Variants in SCARA5 observed in about 807,000 individuals in gnomAD.
The protein encoded by SCARA5 is scavenger receptor class A member 5.
In SCARA5, 45 loss-of-function variants were observed where a neutral mutation model predicts 46.3. That is an observed-to-expected ratio of 0.97 (90% CI 0.76 to 1.24). The LOEUF (loss-of-function observed/expected upper bound fraction) is 1.24, where lower values mean the gene tolerates loss of function less well. Ranked by LOEUF, SCARA5 falls within the 50% of genes most tolerant of loss-of-function variation. The probability of loss-of-function intolerance (pLI) is 0.00; values close to 1 mark genes in which losing one functional copy is unlikely to be tolerated. For missense variants in SCARA5, 680 were observed against 689.0 expected (o/e 0.99, Z 0.15); for synonymous variants, 333 against 306.5 (o/e 1.09, Z -0.90).
chr8:27,905,702 TTTC>T (rs201036373), intron 6 of SCARA5, among the ~76,000 whole-genome samples: 21,353 of 51,078 alleles, frequency 0.42, 2,191 homozygotes, highest in Middle Eastern at 0.58. Context: ...TTTCTTTTCT[TTTC>T]TTTTTTTTTT....
At chr8:27,990,012 C>A (rs60406001) in intron 1 of SCARA5, among the ~76,000 whole-genome samples, 1 of 152,268 alleles carries the variant, frequency 6.6e-6, no homozygotes, top group Admixed American at 6.5e-5. Context: ...AGAGGCCACA[C>A]AGAGCCAGAC....
At chr8:27,917,927 C>A (rs575591034) in intron 4 of SCARA5, among the ~76,000 whole-genome samples, 1 of 152,250 alleles carries the variant, frequency 6.6e-6, no homozygotes, top group South Asian at 2.1e-4. Flanking sequence ...GATGTGAAGG[C>A]CCAAAGTGAC....
At chr8:27,978,955 T>TA (rs1196064430) in intron 2 of SCARA5, among the ~76,000 whole-genome samples, 1 of 152,106 alleles carries the variant, frequency 6.6e-6, no homozygotes, top group Non-Finnish European at 1.5e-5. Flanking sequence ...GGATCCACGT[T>TA]ATCAGGTAAC....
At chr8:27,906,906 G>A (rs1256534938) in intron 6 of SCARA5, among the ~76,000 whole-genome samples, 1 of 152,138 alleles carries the variant, frequency 6.6e-6, no homozygotes, top group Non-Finnish European at 1.5e-5. Context: ...TTGGGCTCAA[G>A]CAATCCACCT....
intron 5 of SCARA5, among the ~76,000 whole-genome samples, chr8:27,907,820 T>C (rs1054820904): frequency 4.6e-5 from 7 of 152,198 alleles, no homozygotes; most frequent in African/African-American, 1.7e-4. Context: ...TCTGCCTGCC[T>C]CGGCTTCCCA....
At chr8:27,974,008 C>T (rs573219353) in intron 2 of SCARA5, among the ~76,000 whole-genome samples, 171 of 152,222 alleles carry the variant, frequency 1.1e-3, no homozygotes, top group Non-Finnish European at 1.9e-3. Context: ...TGTTTGGCAA[C>T]GGACATTAAA....
intron 2 of SCARA5, among the ~76,000 whole-genome samples, chr8:27,969,855 GC>G (rs1333007378): frequency 1.3e-5 from 2 of 152,218 alleles, no homozygotes; most frequent in Admixed American, 6.5e-5. Flanking sequence ...TAAAAGTAGA[GC>G]TTTTGACTTA....
chr8:27,985,989 C>A (rs372638322), intron 2 of SCARA5, among the ~76,000 whole-genome samples: 2 of 152,308 alleles, frequency 1.3e-5, no homozygotes, highest in East Asian at 3.9e-4. Flanking sequence ...ATGGTGGTCC[C>A]AGGGACATCT....
At chr8:27,945,326 T>A (rs1409699790) in intron 3 of SCARA5, among the ~76,000 whole-genome samples, 6 of 152,180 alleles carry the variant, frequency 3.9e-5, no homozygotes, top group African/African-American at 1.4e-4. Context: ...ATAGACTGCA[T>A]CCTGCCAAAC....
chr8:27,884,993 GA>G (rs891941052), intron 7 of SCARA5, among the ~76,000 whole-genome samples: 1 of 151,990 alleles, frequency 6.6e-6, no homozygotes, highest in African/African-American at 2.4e-5. Flanking sequence ...GAGGAGGGAG[GA>G]AATGAGAGAC....
chr8:27,989,236 A>G (rs1808752145), intron 1 of SCARA5, among the ~76,000 whole-genome samples: 1 of 146,298 alleles, frequency 6.8e-6, no homozygotes, highest in Admixed American at 7.1e-5. Context: ...CCCGGGCTCA[A>G]GTGATCCTCC....
intron 2 of SCARA5, among the ~76,000 whole-genome samples, chr8:27,967,703 A>G (rs1404591469): frequency 6.6e-6 from 1 of 152,174 alleles, no homozygotes; most frequent in Non-Finnish European, 1.5e-5. Context: ...ACTTGAGGTC[A>G]GGAATTCGAC....
At chr8:27,991,594 T>A (rs1808786665) in intron 1 of SCARA5, among the ~76,000 whole-genome samples, 1 of 152,180 alleles carries the variant, frequency 6.6e-6, no homozygotes, top group Non-Finnish European at 1.5e-5. Flanking sequence ...GGTACCCGCA[T>A]CTAACTCTGC....
intron 5 of SCARA5, among the ~76,000 whole-genome samples, chr8:27,907,571 A>ATTTTTTTTTTTTTTTTTT (rs1807285569): frequency 3.3e-5 from 2 of 60,458 alleles, no homozygotes; most frequent in East Asian, 7.0e-4. Flanking sequence ...ATCAGCAAAC[A>ATTTTTTTTTTTTTTTTTT]CTTTTTTTTT....
In SCARA5 at chr8:27,939,016, CATT is replaced by C. The variant is rs386723917; in HGVS notation, c.242-16774_242-16772del. On this transcript the variant is annotated intron_variant, in intron 3 of 8. Coordinates refer to ENST00000354914, the MANE Select transcript of SCARA5 (RefSeq NM_173833.6). ...CCTGATTAACGGTGGAGGGGGCTTT[CATT>C]CATTCAGCACCTACTGATTGTCAGG... Among the ~76,000 whole-genome samples, 527 of 152,294 alleles carry C rather than the reference CATT, an allele frequency of 3.5e-3. 4 individuals carry two copies. Among genetic ancestry groups the C allele is most frequent in the African/African-American group, 0.011 (446 of 41,568 alleles).
At chr8:27,986,431 T>C (rs1808705878) in intron 2 of SCARA5, among the ~76,000 whole-genome samples, 1 of 152,166 alleles carries the variant, frequency 6.6e-6, no homozygotes, top group Non-Finnish European at 1.5e-5. Context: ...GGACAGAGAT[T>C]TTTTAATTTG....
At chr8:27,941,120 G>A (rs2685304) in intron 3 of SCARA5, among the ~76,000 whole-genome samples, 148,642 of 152,250 alleles carry the variant, frequency 0.98, 72,599 homozygotes, top group East Asian at 1. Flanking sequence ...CCCACAATAC[G>A]TCTTATATTT....
intron 3 of SCARA5, among the ~76,000 whole-genome samples, chr8:27,948,425 C>G (rs577430702): frequency 6.6e-6 from 1 of 152,360 alleles, no homozygotes; most frequent in African/African-American, 2.4e-5. Flanking sequence ...GAGCCACGAG[C>G]TGGAGCCTTC....
intron 4 of SCARA5, among the ~76,000 whole-genome samples, chr8:27,920,583 A>G (rs1258143855): frequency 6.7e-6 from 1 of 149,034 alleles, no homozygotes; most frequent in Non-Finnish European, 1.5e-5. Context: ...ACTGAACTCC[A>G]GCCTGAGCGA....
Sources: allele counts gnomAD v4.1 joint callset (sites outside exome capture counted in the v4.1 genomes callset), GRCh38; gene constraint gnomAD v4.1.1; transcripts MANE v1.5; gene names NCBI Gene and HGNC (gene_info 2026-07-23, HGNC 2026-07-21).